DIAPH3: variants seen among roughly 807,000 people sequenced by gnomAD.
DIAPH3 encodes the protein diaphanous related formin 3.
A neutral mutation model predicts 144.3 loss-of-function variants in DIAPH3; 117 were observed. The ratio of observed to expected loss-of-function variants is 0.81; its 90% CI spans 0.70 to 0.95. DIAPH3 has a LOEUF of 0.95. Among genes scored for constraint, DIAPH3 ranks in the 40% least tolerant of loss-of-function variants. The pLI, the probability that DIAPH3 is intolerant of heterozygous loss-of-function variation, is 0.00. For missense variants in DIAPH3, 1,421 were observed against 1,412.7 expected (o/e 1.01, Z -0.09); for synonymous variants, 519 against 488.9 (o/e 1.06, Z -0.81).
intron 27 of DIAPH3, among the ~76,000 whole-genome samples, chr13:59,771,035 C>T (rs1174312566): frequency 1.3e-5 from 2 of 152,140 alleles, no homozygotes; most frequent in Admixed American, 6.6e-5. Flanking sequence ...GAGATGTCTG[C>T]TTCTGAAGTC....
At chr13:59,802,693 G>C (rs1195488944) in intron 25 of DIAPH3, among the ~76,000 whole-genome samples, 1 of 1,330 alleles carries the variant, frequency 7.5e-4, no homozygotes, top group African/African-American at 1.4e-3. Context: ...TTTTTTTTTT[G>C]AGACAGAGTC....
intron 17 of DIAPH3, among the ~76,000 whole-genome samples, chr13:59,933,871 T>A (rs1448055584): frequency 6.6e-6 from 1 of 152,226 alleles, no homozygotes; most frequent in African/African-American, 2.4e-5. Flanking sequence ...AGCAAAATTA[T>A]GTAAAGAATA....
intron 4 of DIAPH3, among the ~76,000 whole-genome samples, chr13:60,066,364 T>C (rs1361906961): frequency 6.6e-6 from 1 of 152,204 alleles, no homozygotes; most frequent in Non-Finnish European, 1.5e-5. Flanking sequence ...CATGAATTAA[T>C]TTGTATAGTC....
rs185519609 is a variant in DIAPH3 at position 60,025,432 on chromosome 13, G to C, written c.627-9287C>G. Reference sequence around the variant, plus strand: ...AAAAAAAAAAAAAAAGGAAATAGTAGATTTAGTCTATCTTTCAAACACAAG... The same window carrying C: ...AAAAAAAAAAAAAAAGGAAATAGTACATTTAGTCTATCTTTCAAACACAAG... On this transcript the variant is annotated intron_variant, in intron 5 of 27. Transcript: ENST00000400324. Among the ~76,000 whole-genome samples, 561 of 136,686 alleles carry C rather than the reference G, an allele frequency of 4.1e-3. 4 individuals are homozygous for C. Among genetic ancestry groups the C allele is most frequent in the African/African-American group, 0.015 (546 of 36,352 alleles). 89.7% of individuals were successfully genotyped at this position (136,686 alleles called of 152,430 possible).
At chr13:60,128,295 T>C (rs1415961990) in intron 2 of DIAPH3, among the ~76,000 whole-genome samples, 1 of 152,196 alleles carries the variant, frequency 6.6e-6, no homozygotes, top group Non-Finnish European at 1.5e-5. Context: ...CATACTTTCT[T>C]TATCCAATCT....
At chr13:60,018,720 A>C (rs1044722227) in intron 5 of DIAPH3, among the ~76,000 whole-genome samples, 4 of 152,136 alleles carry the variant, frequency 2.6e-5, no homozygotes, top group Non-Finnish European at 5.9e-5. Flanking sequence ...GGAATTTCTC[A>C]ACAACAATAA....
chr13:60,136,674 G>A (rs537814964), intron 1 of DIAPH3, among the ~76,000 whole-genome samples: 15 of 152,190 alleles, frequency 9.9e-5, no homozygotes, highest in Non-Finnish European at 1.6e-4. Context: ...GGCGGCTCAC[G>A]CCTGTAATCC....
At chr13:59,698,430 AT>A (rs983618863) in intron 27 of DIAPH3, among the ~76,000 whole-genome samples, 17 of 152,342 alleles carry the variant, frequency 1.1e-4, no homozygotes, top group African/African-American at 4.1e-4. Flanking sequence ...AAGAAAAAAA[AT>A]AAATGAAGTA....
intron 25 of DIAPH3, among the ~76,000 whole-genome samples, chr13:59,806,186 TG>T (rs2040182621): frequency 6.6e-6 from 1 of 152,050 alleles, no homozygotes; most frequent in South Asian, 2.1e-4. Context: ...AAAAAGTTCC[TG>T]GCCCAGTGAG....
At chr13:60,095,185 C>T (rs891451666) in intron 3 of DIAPH3, among the ~76,000 whole-genome samples, 5 of 152,134 alleles carry the variant, frequency 3.3e-5, no homozygotes, top group African/African-American at 1.2e-4. Context: ...CTTAACTAAG[C>T]CTAGACTCGA....
At chr13:60,033,558 G>C (rs1418741239) in intron 5 of DIAPH3, among the ~76,000 whole-genome samples, 3 of 152,120 alleles carry the variant, frequency 2.0e-5, no homozygotes, top group Admixed American at 1.3e-4. Context: ...GAGCAAGAAA[G>C]AGAGTGTGGG....
At chr13:59,748,216 T>C (rs1190408296) in intron 27 of DIAPH3, among the ~76,000 whole-genome samples, 2 of 152,192 alleles carry the variant, frequency 1.3e-5, no homozygotes, top group Non-Finnish European at 2.9e-5. Flanking sequence ...TCAACCTACA[T>C]TCCAGTTTTA....
chr13:59,872,306 A>G (rs74900137), intron 21 of DIAPH3, among the ~76,000 whole-genome samples: 2,576 of 152,318 alleles, frequency 0.017, 64 homozygotes, highest in East Asian at 0.095. Flanking sequence ...GATCAAACAG[A>G]ATAATTTTAA....
intron 9 of DIAPH3, among the ~76,000 whole-genome samples, chr13:59,996,557 C>T (rs1405309619): frequency 3.3e-5 from 5 of 151,916 alleles, no homozygotes; most frequent in Non-Finnish European, 7.4e-5. Context: ...AAGTATAGTA[C>T]AAGGACTGAC....
chr13:60,055,223 G>A (rs2056511593), intron 4 of DIAPH3, among the ~76,000 whole-genome samples: 1 of 151,812 alleles, frequency 6.6e-6, no homozygotes, highest in Non-Finnish European at 1.5e-5. Flanking sequence ...AACAATTATA[G>A]TGATCTAATA....
chr13:59,760,830 T>C (rs1289926256), intron 27 of DIAPH3, among the ~76,000 whole-genome samples: 3 of 152,214 alleles, frequency 2.0e-5, no homozygotes, highest in African/African-American at 4.8e-5. Flanking sequence ...TGTTTCATTA[T>C]TCTTCTAGAA....
chr13:60,043,692 T>C (rs2141204961), intron 4 of DIAPH3, among the ~76,000 whole-genome samples: 1 of 152,286 alleles, frequency 6.6e-6, no homozygotes, highest in Middle Eastern at 3.4e-3. Flanking sequence ...ACCTACTAAA[T>C]ACTGGGCACT....
At chr13:59,920,102 T>A (rs1008960444) in intron 18 of DIAPH3, among the ~76,000 whole-genome samples, 1 of 151,870 alleles carries the variant, frequency 6.6e-6, no homozygotes, top group African/African-American at 2.4e-5. Flanking sequence ...AATAATCACT[T>A]ATCCAGAAAG....
At chr13:60,018,002 T>C (rs953116748) in intron 5 of DIAPH3, among the ~76,000 whole-genome samples, 1 of 152,212 alleles carries the variant, frequency 6.6e-6, no homozygotes, top group African/African-American at 2.4e-5. Context: ...GACATCCTAT[T>C]CTGAATTTAT....
Sources: allele counts gnomAD v4.1 joint callset (sites outside exome capture counted in the v4.1 genomes callset), GRCh38; gene constraint gnomAD v4.1.1; transcripts MANE v1.5; gene names NCBI Gene and HGNC (gene_info 2026-07-23, HGNC 2026-07-21).